PTPRN2: variants seen among roughly 807,000 people sequenced by gnomAD.
PTPRN2 encodes the protein protein tyrosine phosphatase receptor type N2, also known as receptor-type tyrosine-protein phosphatase N2.
A neutral mutation model predicts 118.8 loss-of-function variants in PTPRN2; 74 were observed. That is an observed-to-expected ratio of 0.62 (90% CI 0.52 to 0.76). PTPRN2 has a LOEUF of 0.76. Among genes scored for constraint, PTPRN2 ranks in the 30% least tolerant of loss-of-function variants. The probability of loss-of-function intolerance (pLI) is 0.00; values close to 1 mark genes in which losing one functional copy is unlikely to be tolerated. For missense variants in PTPRN2, 1,481 were observed against 1,394.4 expected (o/e 1.06, Z -0.99); for synonymous variants, 641 against 608.0 (o/e 1.05, Z -0.80).
At chr7:158,113,944 G>A (rs777902586) in intron 9 of PTPRN2, among the ~76,000 whole-genome samples, 2 of 152,190 alleles carry the variant, frequency 1.3e-5, no homozygotes, top group Non-Finnish European at 2.9e-5. Context: ...GTACCTCCAG[G>A]GAGACCGGTG....
intron 1 of PTPRN2, 73 bp from the exon 2 acceptor site, chr7:158,489,858 G>C (rs1821316177): frequency 4.3e-6 from 6 of 1,383,664 alleles, no homozygotes; most frequent in Non-Finnish European, 6.0e-6. Context: ...TGCCTTCCTG[G>C]CCCCCTGGTG....
intron 11 of PTPRN2, among the ~76,000 whole-genome samples, chr7:157,904,473 C>A (rs574029806): frequency 6.6e-6 from 1 of 152,358 alleles, no homozygotes; most frequent in African/African-American, 2.4e-5. Flanking sequence ...TCAAGAAACT[C>A]CACCATCCTC....
chr7:157,615,858 G>T lies in PTPRN2; in HGVS notation c.2344+5504C>A. ...GCGCGAGGCCCTGGGCTCCACCGAA[G>T]ACCTTAAGGAAAAGACTCTGGATGT... On this transcript the variant is annotated intron_variant, in intron 15 of 22. Coordinates refer to ENST00000389418, the MANE Select transcript of PTPRN2 (RefSeq NM_002847.5). The surrounding 1 kb of genome is among the most constrained non-coding windows in gnomAD (Gnocchi z 4.3). 2.3e-5 allele frequency: 8 copies of T among 348,052 alleles called. No individual in the cohort carries two copies. The highest frequency in any genetic ancestry group is 1.8e-4 in the South Asian group (8 of 45,008). The allele number at this position is 348,052 out of a possible 1,614,324, so 21.6% of individuals were successfully genotyped here.
intron 1 of PTPRN2, among the ~76,000 whole-genome samples, chr7:158,491,202 A>C (rs1433321758): frequency 6.6e-6 from 1 of 152,200 alleles, no homozygotes; most frequent in East Asian, 1.9e-4. Flanking sequence ...CAACGCTGGG[A>C]GTTCACAGGA....
At chr7:158,193,239 C>G (rs115361637) in intron 4 of PTPRN2, among the ~76,000 whole-genome samples, 1,936 of 152,308 alleles carry the variant, frequency 0.013, 41 homozygotes, top group African/African-American at 0.044. Context: ...AAGAACCAGG[C>G]ACGGCTGGCC....
At chr7:157,790,161 G>GGTGTGTGTGGTGTGTGTATGGTGGTGT (rs1474258988) in intron 12 of PTPRN2, among the ~76,000 whole-genome samples, 20 of 134,740 alleles carry the variant, frequency 1.5e-4, no homozygotes, top group Non-Finnish European at 2.9e-4. Context: ...GTGTGAATGT[G>GGTGTGTGTGGTGTGTGTATGGTGGTGT]GTGTGTGTGG....
intron 12 of PTPRN2, among the ~76,000 whole-genome samples, chr7:157,731,964 C>T (rs867067839): frequency 4.0e-4 from 24 of 60,480 alleles, no homozygotes; most frequent in African/African-American, 1.1e-3. Context: ...GCACAGTTAC[C>T]CTTTCCCGTC....
chr7:158,160,261 G>C (rs1436960424), intron 6 of PTPRN2, among the ~76,000 whole-genome samples: 1 of 152,166 alleles, frequency 6.6e-6, no homozygotes, highest in Non-Finnish European at 1.5e-5. Flanking sequence ...TGGAGTCTGA[G>C]AGGGCTGGGG....
chr7:157,685,312 G>A (rs936101374), intron 12 of PTPRN2, among the ~76,000 whole-genome samples: 2 of 152,098 alleles, frequency 1.3e-5, no homozygotes, highest in African/African-American at 2.4e-5. Flanking sequence ...GACTGCGCCC[G>A]GGAACAGGGA....
intron 3 of PTPRN2, among the ~76,000 whole-genome samples, chr7:158,225,529 T>C (rs369017515): frequency 8.5e-4 from 130 of 152,336 alleles, no homozygotes; most frequent in Non-Finnish European, 1.6e-3. Context: ...TTGTGTCCTA[T>C]GGGAGGCACA....
chr7:157,658,225 A>T (rs1172602284), intron 13 of PTPRN2, among the ~76,000 whole-genome samples: 3 of 152,112 alleles, frequency 2.0e-5, no homozygotes, highest in Non-Finnish European at 4.4e-5. Context: ...AGATACAGAA[A>T]CTGGTACCAC....
intron 12 of PTPRN2, among the ~76,000 whole-genome samples, chr7:157,708,670 T>C (rs1294604887): frequency 1.3e-5 from 2 of 152,040 alleles, no homozygotes; most frequent in African/African-American, 4.8e-5. Flanking sequence ...CACAAGCGGC[T>C]CCCTGCTTTA....
chr7:157,741,712 T>C (rs1236648057), intron 12 of PTPRN2, among the ~76,000 whole-genome samples: 1 of 152,194 alleles, frequency 6.6e-6, no homozygotes, highest in Admixed American at 6.5e-5. Flanking sequence ...GGGACAACTG[T>C]TTGGCCAAAC....
At chr7:158,407,233 T>C (rs559121166) in intron 2 of PTPRN2, among the ~76,000 whole-genome samples, 2,098 of 28,036 alleles carry the variant, frequency 0.075, 209 homozygotes, top group East Asian at 0.25. Context: ...TCCTGGGTCC[T>C]GGGTCCTGGG....
intron 2 of PTPRN2, among the ~76,000 whole-genome samples, chr7:158,402,487 G>C (rs904696403): frequency 9.2e-5 from 14 of 152,278 alleles, no homozygotes; most frequent in African/African-American, 3.4e-4. Flanking sequence ...GTGGGAGTCA[G>C]CGCCCTCCAA....
intron 2 of PTPRN2, among the ~76,000 whole-genome samples, chr7:158,463,888 G>A (rs80062415): frequency 1.8e-5 from 2 of 110,934 alleles, no homozygotes; most frequent in South Asian, 3.3e-4. Flanking sequence ...CATCATCACC[G>A]TCATCATCCT....
rs1036315689 is a variant in PTPRN2 at position 157,801,029 on chromosome 7, A to G, written c.1788+97644T>C. On this transcript the variant is annotated intron_variant, in intron 12 of 22. Transcript: ENST00000389418. The surrounding 1 kb of genome is among the most constrained non-coding windows in gnomAD (Gnocchi z 4.2). ...CATATACATATACACACACATATATATACACATATATATACACATATATAC... is the reference window on the plus strand; with the variant it reads ...CATATACATATACACACACATATATGTACACATATATATACACATATATAC... Among the ~76,000 whole-genome samples the G allele has an allele frequency of 6.8e-6, 1 of 148,092 alleles. No individual in the cohort carries two copies. The highest frequency in any genetic ancestry group is 1.5e-5 in the Non-Finnish European group (1 of 66,762).
intron 12 of PTPRN2, among the ~76,000 whole-genome samples, chr7:157,749,531 A>T (rs1413475170): frequency 6.9e-6 from 1 of 144,090 alleles, no homozygotes; most frequent in Non-Finnish European, 1.5e-5. Context: ...TGTTGAGGTG[A>T]TTCTGAGGCC....
At chr7:158,370,759 A>T (rs202045312) in intron 2 of PTPRN2, among the ~76,000 whole-genome samples, 5 of 152,210 alleles carry the variant, frequency 3.3e-5, no homozygotes, top group African/African-American at 1.2e-4. Context: ...TCTCAAAAAA[A>T]TTTTTAAAAA....
Sources: gnomAD v4.1 joint callset for allele counts (sites outside exome capture counted in the v4.1 genomes callset) on GRCh38, gnomAD v4.1.1 for gene constraint, Gnocchi (gnomAD v3.1) non-coding constraint, MANE v1.5 for transcripts, NCBI Gene and HGNC (gene_info 2026-07-23, HGNC 2026-07-21) for gene names.